The following LIMK2 variants were observed in gnomAD, a reference collection of about 807,000 sequenced individuals.
LIMK2 encodes the protein LIM domain kinase 2.
Under a neutral mutation model 75.7 loss-of-function variants are expected in LIMK2, and 35 were observed. The ratio of observed to expected loss-of-function variants is 0.46; its 90% CI spans 0.35 to 0.61. LIMK2 has a LOEUF of 0.61. Ranked by LOEUF, LIMK2 falls within the 20% of genes least tolerant of loss-of-function variation. The pLI, the probability that LIMK2 is intolerant of heterozygous loss-of-function variation, is 0.00. For missense variants in LIMK2, 623 were observed against 831.0 expected (o/e 0.75, Z 3.08); for synonymous variants, 301 against 319.2 (o/e 0.94, Z 0.61).
At chr22:31,263,546 A>G (rs1157309784) in intron 7 of LIMK2, among the ~76,000 whole-genome samples, 1 of 152,182 alleles carries the variant, frequency 6.6e-6, no homozygotes, top group Non-Finnish European at 1.5e-5. Flanking sequence ...TATCACTAAG[A>G]ATCAGGTTCT....
intron 1 of LIMK2, among the ~76,000 whole-genome samples, chr22:31,215,856 A>G (rs867275514): frequency 6.6e-6 from 1 of 152,306 alleles, no homozygotes. Context: ...AGGCTTGCGT[A>G]TGATAACATT....
chr22:31,279,814 G>T lies in LIMK2; in HGVS notation c.*1373G>T, dbSNP rs2049068470. ...GCTGTTAATATTATCTTATCTATTG[G>T]GTGGTATGTGAAATATTGTACATAG... On this transcript the variant is annotated 3_prime_UTR_variant, in exon 16 of 16. Transcript: ENST00000331728. The T allele has an allele frequency of 6.6e-6, 1 of 152,334 alleles. No homozygotes were observed. The highest frequency in any genetic ancestry group is 2.4e-5 in the African/African-American group (1 of 41,554). The allele number at this position is 152,334 out of a possible 1,614,324, so 9.4% of individuals were successfully genotyped here.
At chr22:31,213,622 A>G (rs1432702069) in intron 1 of LIMK2, among the ~76,000 whole-genome samples, 5 of 152,116 alleles carry the variant, frequency 3.3e-5, no homozygotes, top group African/African-American at 1.2e-4. Flanking sequence ...AAATTTTTTT[A>G]GGCTGGGCGT....
At chr22:31,258,170 C>T (rs2048803160) in intron 2 of LIMK2, 121 bp from the exon 3 acceptor site, 3 of 1,043,108 alleles carry the variant, frequency 2.9e-6, no homozygotes, top group Middle Eastern at 3.3e-4. Flanking sequence ...AACTTTGCCC[C>T]ATCTTGGCTT....
chr22:31,275,419 C>A, intron 15 of LIMK2, 111 bp downstream of exon 15: 2 of 1,085,850 alleles, frequency 1.8e-6, no homozygotes, highest in Non-Finnish European at 2.6e-6. Flanking sequence ...GCCTTGAGGT[C>A]AAGAATGTGG....
intron 1 of LIMK2, among the ~76,000 whole-genome samples, chr22:31,224,110 G>C (rs2048459101): frequency 6.6e-6 from 1 of 152,196 alleles, no homozygotes; most frequent in Non-Finnish European, 1.5e-5. Flanking sequence ...AGGGAGTCTT[G>C]TAACAACCTT....
chr22:31,227,883 T>A lies in LIMK2; in HGVS notation c.116+2064T>A, dbSNP rs1321924013. Among the ~76,000 whole-genome samples the A allele has an allele frequency of 3.3e-5, 5 of 152,216 alleles. No individual in the cohort carries two copies. In the East Asian group the frequency reaches 9.6e-4, roughly 29 times the overall value. On this transcript the variant is annotated intron_variant, in intron 2 of 15. Transcript: ENST00000331728. ...AGAAGAAACCACCCACTATATGGTA[T>A]AACCCATTCATATCACAGATGAGGC...
In LIMK2 at chr22:31,272,658, C is replaced by T. The variant is rs1163974014; in HGVS notation, c.1512C>T (p.Tyr504=). 5.6e-6 allele frequency: 9 copies of T among 1,613,696 alleles called. No homozygotes were observed. The highest frequency in any genetic ancestry group is 1.7e-4 in the Middle Eastern group (1 of 6,058). The change falls in exon 13 of 16, where the codon TAC becomes TAT. Residue 504 remains tyrosine, a synonymous_variant. Transcript: ENST00000331728. ...TLRKNDRKKR[Y]TVVGNPYWMA... ...GCAAGAACGACCGCAAGAAGCGCTA[C>T]ACGGTGGTGGGAAACCCCTACTGGA...
intron 1 of LIMK2, among the ~76,000 whole-genome samples, chr22:31,218,782 G>A (rs1364027370): frequency 6.6e-6 from 1 of 152,178 alleles, no homozygotes; most frequent in Non-Finnish European, 1.5e-5. Flanking sequence ...TTCCCAAGGG[G>A]CCCAGGGGTT....
chr22:31,229,385 G>A (rs1306969159), intron 2 of LIMK2, among the ~76,000 whole-genome samples: 2 of 152,304 alleles, frequency 1.3e-5, no homozygotes, highest in African/African-American at 2.4e-5. Flanking sequence ...TCAGGGCTAG[G>A]AAGGATTGTA....
chr22:31,221,762 C>T (rs1275036924), intron 1 of LIMK2, among the ~76,000 whole-genome samples: 2 of 152,190 alleles, frequency 1.3e-5, no homozygotes, highest in Non-Finnish European at 2.9e-5. Context: ...GGATTACAGG[C>T]GTGAGCCACT....
At chr22:31,274,975 C>A (rs1438701031) in intron 14 of LIMK2, among the ~76,000 whole-genome samples, 176 bp from the exon 15 acceptor site, 3 of 152,184 alleles carry the variant, frequency 2.0e-5, no homozygotes, top group Non-Finnish European at 4.4e-5. Flanking sequence ...TCAGTGGATA[C>A]AGGTCTGGAT....
intron 15 of LIMK2, 108 bp from the exon 16 acceptor site, chr22:31,278,189 T>A: frequency 1.1e-6 from 1 of 933,754 alleles, no homozygotes. Flanking sequence ...GTGAAGGAGT[T>A]TGCCTGACGT....
At chr22:31,215,640 A>G in intron 1 of LIMK2, among the ~76,000 whole-genome samples, 1 of 152,176 alleles carries the variant, frequency 6.6e-6, no homozygotes, top group East Asian at 1.9e-4. Flanking sequence ...GCCCTTAATA[A>G]GTATTTGTGG....
intron 2 of LIMK2, among the ~76,000 whole-genome samples, chr22:31,232,836 G>A (rs2048541077): frequency 6.6e-6 from 1 of 152,152 alleles, no homozygotes; most frequent in South Asian, 2.1e-4. Flanking sequence ...CTGGGCTCGA[G>A]ATCCTCCCAC....
At chr22:31,248,865 A>G (rs1245751494) in intron 2 of LIMK2, 15 of 1,337,210 alleles carry the variant, frequency 1.1e-5, no homozygotes, top group African/African-American at 2.9e-5. Flanking sequence ...TTAGTCCTTT[A>G]CCATCGGTTC....
rs2049054840 is a variant in LIMK2 at position 31,278,481 on chromosome 22, G to A, written c.*40G>A. On this transcript the variant is annotated 3_prime_UTR_variant, in exon 16 of 16. Transcript: ENST00000331728. ...CCTGCAGGGGGGTGTTCTACAGCCA[G>A]CATTGCCCCTCTGTGCCCCATTCCT... is the stretch of plus-strand genomic sequence containing the variant. The A allele has an allele frequency of 1.3e-6, 2 of 1,554,016 alleles. No individual in the cohort carries two copies. Among genetic ancestry groups the A allele is most frequent in the African/African-American group, 2.7e-5 (2 of 73,292 alleles).
intron 15 of LIMK2, chr22:31,277,571 ATTTG>A (rs2049044331): frequency 3.0e-6 from 3 of 990,868 alleles, no homozygotes; most frequent in Non-Finnish European, 2.4e-6. Context: ...GCTACACAGT[ATTTG>A]TTTTCTAATA....
At chr22:31,212,446 C>G in intron 1 of LIMK2, 22 bp downstream of exon 1, 1 of 1,319,786 alleles carries the variant, frequency 7.6e-7, no homozygotes, top group Non-Finnish European at 9.8e-7. Flanking sequence ...CTGCTCCGCC[C>G]TGTCCCGCTG....
Sources: allele counts gnomAD v4.1 joint callset (sites outside exome capture counted in the v4.1 genomes callset), GRCh38; gene constraint gnomAD v4.1.1; transcripts MANE v1.5; gene names NCBI Gene and HGNC (gene_info 2026-07-23, HGNC 2026-07-21).